The following CAPZA2 variants were observed in gnomAD, a reference collection of about 807,000 sequenced individuals.
CAPZA2 encodes the protein capping actin protein of muscle Z-line subunit alpha 2.
Under a neutral mutation model 44.0 loss-of-function variants are expected in CAPZA2, and 13 were observed. That is an observed-to-expected ratio of 0.30 (90% CI 0.19 to 0.47). The LOEUF (loss-of-function observed/expected upper bound fraction) is 0.47, where lower values mean the gene tolerates loss of function less well. Among genes scored for constraint, CAPZA2 ranks in the 20% least tolerant of loss-of-function variants. The pLI is 1.00. For missense variants in CAPZA2, 244 were observed against 338.6 expected (o/e 0.72, Z 2.19); for synonymous variants, 94 against 108.2 (o/e 0.87, Z 0.81).
chr7:116,870,159 T>C (rs1374344746), intron 1 of CAPZA2, among the ~76,000 whole-genome samples: 1 of 152,202 alleles, frequency 6.6e-6, no homozygotes, highest in Non-Finnish European at 1.5e-5. Flanking sequence ...TTCACTAAAG[T>C]GTAGCGATCA....
intron 1 of CAPZA2, chr7:116,880,037 C>A: frequency 2.2e-6 from 1 of 461,442 alleles, no homozygotes; most frequent in South Asian, 1.6e-5. Flanking sequence ...GCAGTTTCTC[C>A]CGCTCTGATT....
At chr7:116,913,988 T>C (rs1027547731) in intron 8 of CAPZA2, among the ~76,000 whole-genome samples, 2 of 151,754 alleles carry the variant, frequency 1.3e-5, no homozygotes, top group Admixed American at 6.6e-5. Flanking sequence ...ATTATAAACA[T>C]CAACTGCTTA....
rs1308351069 is a variant in CAPZA2, at chr7:116,919,041, C to G, written c.*1174C>G. 2 of 151,100 alleles carry G rather than the reference C, an allele frequency of 1.3e-5. No homozygotes were observed. The highest frequency in any genetic ancestry group is 2.9e-5 in the Non-Finnish European group (2 of 67,878). 9.4% of individuals were successfully genotyped at this position (151,100 alleles called of 1,614,324 possible). On this transcript the variant is annotated 3_prime_UTR_variant, in exon 10 of 10. Coordinates refer to ENST00000361183, the MANE Select transcript of CAPZA2 (RefSeq NM_006136.3). ...TTATACTTGAGTGGAATCCTTTCCT[C>G]ACGTACTCCCACAGACGTCTGGGCC... is the stretch of plus-strand genomic sequence containing the variant.
chr7:116,906,548 G>A lies in CAPZA2; in HGVS notation c.506+206G>A, dbSNP rs1416992391. On this transcript the variant is annotated intron_variant, in intron 6 of 9. Coordinates refer to ENST00000361183, the MANE Select transcript of CAPZA2 (RefSeq NM_006136.3). ...GTAGTGGTAAATCTGTTGACATTCA[G>A]TGGAAAGAGTATGGGACTAGCAAAC... The A allele has an allele frequency of 3.6e-6, 3 of 844,378 alleles. No homozygotes were observed. In the African/African-American group the frequency reaches 5.3e-5, roughly 15 times the overall value. The allele number at this position is 844,378 out of a possible 1,614,324, so 52.3% of individuals were successfully genotyped here.
At chr7:116,887,407 A>C (rs1472001609) in intron 1 of CAPZA2, among the ~76,000 whole-genome samples, 1 of 152,128 alleles carries the variant, frequency 6.6e-6, no homozygotes, top group African/African-American at 2.4e-5. Context: ...ACGTGCCTGT[A>C]GTCCCAGCTG....
chr7:116,918,047 G>T lies in CAPZA2; in HGVS notation c.*180G>T. The T allele has an allele frequency of 2.0e-6, 1 of 512,164 alleles. No individual in the cohort carries two copies. The highest frequency in any genetic ancestry group is 3.3e-5 in the Admixed American group (1 of 30,518). The allele number at this position is 512,164 out of a possible 1,614,324, so 31.7% of individuals were successfully genotyped here. On this transcript the variant is annotated 3_prime_UTR_variant, in exon 10 of 10. Transcript: ENST00000361183. ...TCAACCATTATTTTTCATTTTGTTT[G>T]TTCTAAGAGGATTGAAAATCAGTTT...
chr7:116,889,548 C>T (rs1796804140), intron 2 of CAPZA2, among the ~76,000 whole-genome samples: 2 of 150,494 alleles, frequency 1.3e-5, no homozygotes, highest in Admixed American at 6.6e-5. Flanking sequence ...ATAGTGAGGC[C>T]CCCCTCCCCA....
chr7:116,903,273 C>G (rs368971593), intron 4 of CAPZA2, among the ~76,000 whole-genome samples: 17 of 105,318 alleles, frequency 1.6e-4, no homozygotes, highest in Non-Finnish European at 2.4e-4. Flanking sequence ...TGTGTGTGTA[C>G]GTACACACAC....
At chr7:116,917,517 A>G (rs1017250453) in intron 9 of CAPZA2, among the ~76,000 whole-genome samples, 2 of 152,148 alleles carry the variant, frequency 1.3e-5, no homozygotes, top group Non-Finnish European at 2.9e-5. Flanking sequence ...TCAGCCTCCC[A>G]AAGTGCTGGG....
intron 1 of CAPZA2, among the ~76,000 whole-genome samples, chr7:116,866,510 C>T (rs1315639945): frequency 6.6e-6 from 1 of 152,130 alleles, no homozygotes; most frequent in African/African-American, 2.4e-5. Context: ...AACCCTAGGC[C>T]AAAAACAGTT....
intron 6 of CAPZA2, among the ~76,000 whole-genome samples, chr7:116,909,057 AT>A (rs1791552063): frequency 1.3e-5 from 2 of 152,154 alleles, no homozygotes; most frequent in African/African-American, 2.4e-5. Flanking sequence ...AAAATTCAAA[AT>A]TCAGAATGCT....
At position 116,904,280 on chromosome 7, in the gene CAPZA2, C is replaced by T. The variant is rs1396380848; in HGVS notation, c.323C>T (p.Pro108Leu). Residue 108 changes from proline (P) to leucine (L), a missense_variant, in exon 5 of 10, where the codon CCA becomes CTA. Physicochemically the swap from Pro to Leu is moderately conservative, Grantham distance 98 (BLOSUM62 -3). Transcript: ENST00000361183. The stretch of plus-strand genomic sequence containing the variant: ...CACTTAAGGAAGGAGGCAACTGATC[C>T]AAGACCCTGTGAAGTAGAAAATGCA... ...FDHLRKEATD[P>L]RPCEVENAVE... 6.2e-7 allele frequency: 1 copy of T among 1,612,640 alleles called. No homozygotes were observed. The highest frequency in any genetic ancestry group is 1.7e-5 in the Admixed American group (1 of 60,008).
At chr7:116,899,899 A>G (rs1441747257) in intron 4 of CAPZA2, among the ~76,000 whole-genome samples, 1 of 151,746 alleles carries the variant, frequency 6.6e-6, no homozygotes, top group African/African-American at 2.4e-5. Context: ...CACATGGACT[A>G]TAGATTTTAA....
chr7:116,888,046 A>G, intron 1 of CAPZA2, 81 bp from the exon 2 acceptor site: 1 of 969,882 alleles, frequency 1.0e-6, no homozygotes, highest in Non-Finnish European at 1.6e-6. Context: ...GAGCTTTGAA[A>G]TAATATAATT....
At chr7:116,868,995 A>G (rs1287119148) in intron 1 of CAPZA2, among the ~76,000 whole-genome samples, 1 of 152,214 alleles carries the variant, frequency 6.6e-6, no homozygotes, top group Non-Finnish European at 1.5e-5. Flanking sequence ...AGTTGAATAG[A>G]TAGAATAATT....
intron 1 of CAPZA2, chr7:116,880,273 A>G (rs1796674495): frequency 2.9e-6 from 1 of 341,366 alleles, no homozygotes; most frequent in Admixed American, 4.2e-5. Flanking sequence ...AAATAATTGT[A>G]AACTTACATT....
At chr7:116,900,889 C>T (rs2115950900) in intron 4 of CAPZA2, among the ~76,000 whole-genome samples, 1 of 152,020 alleles carries the variant, frequency 6.6e-6, no homozygotes, top group South Asian at 2.1e-4. Context: ...ATACTTGAGG[C>T]CAAACAAGCA....
chr7:116,912,785 T>G (rs1376581477), intron 8 of CAPZA2, among the ~76,000 whole-genome samples: 1 of 152,238 alleles, frequency 6.6e-6, no homozygotes. Flanking sequence ...GTACTATTTT[T>G]TGTGTAGCTT....
chr7:116,874,497 A>T (rs780354217), intron 1 of CAPZA2: 1 of 152,254 alleles, frequency 6.6e-6, no homozygotes, highest in Non-Finnish European at 1.5e-5. Context: ...AGATGTAGGC[A>T]CGTTGTATAC....
Sources: allele counts gnomAD v4.1 joint callset (sites outside exome capture counted in the v4.1 genomes callset), GRCh38; gene constraint gnomAD v4.1.1; transcripts MANE v1.5; gene names NCBI Gene and HGNC (gene_info 2026-07-23, HGNC 2026-07-21).